The following KCNJ3 variants were observed in gnomAD, a reference collection of about 807,000 sequenced individuals.
KCNJ3 encodes G protein-activated inward rectifier potassium channel 1.
Under a neutral mutation model 39.2 loss-of-function variants are expected in KCNJ3, and 4 were observed. The ratio of observed to expected loss-of-function variants is 0.10; its 90% CI spans 0.05 to 0.23. The LOEUF (loss-of-function observed/expected upper bound fraction) is 0.23, where lower values mean the gene tolerates loss of function less well. KCNJ3 is among the 10% of genes least tolerant of loss of function. The pLI is 1.00. For synonymous variants in KCNJ3, 230 were observed against 237.4 expected, an observed-to-expected ratio of 0.97 and a Z score of 0.29; for missense variants, 276 against 634.9, an observed-to-expected ratio of 0.43 and a Z score of 6.08.
At chr2:154,747,254 G>A (rs1240837780) in intron 2 of KCNJ3, among the ~76,000 whole-genome samples, 2 of 151,738 alleles carry the variant, frequency 1.3e-5, no homozygotes, top group African/African-American at 4.8e-5. Flanking sequence ...CCTTTTACTC[G>A]TATGTCAGTA....
chr2:154,766,529 T>G (rs1402035031), intron 2 of KCNJ3, among the ~76,000 whole-genome samples: 1 of 151,716 alleles, frequency 6.6e-6, no homozygotes, highest in Admixed American at 6.6e-5. Flanking sequence ...CATAATTATT[T>G]ATATATTATT....
chr2:154,837,025 C>A (rs888076455), intron 2 of KCNJ3, among the ~76,000 whole-genome samples: 1 of 152,016 alleles, frequency 6.6e-6, no homozygotes, highest in African/African-American at 2.4e-5. Flanking sequence ...CATAGTTACA[C>A]GAGGGATAGA....
At chr2:154,800,796 T>C (rs1286952718) in intron 2 of KCNJ3, among the ~76,000 whole-genome samples, 2 of 152,224 alleles carry the variant, frequency 1.3e-5, no homozygotes, top group Non-Finnish European at 1.5e-5. Flanking sequence ...TGCTGTGCTG[T>C]TCTATAGTAC....
Position 154,699,979 on chromosome 2 carries a change from T to C in KCNJ3, c.702+502T>C, listed in dbSNP as rs556018018. Among the ~76,000 whole-genome samples the C allele has an allele frequency of 1.2e-3, 178 of 152,256 alleles. No homozygotes were observed. Among genetic ancestry groups the C allele is most frequent in the African/African-American group, 4.1e-3 (171 of 41,534 alleles). On this transcript the variant is annotated intron_variant, in intron 1 of 2. Transcript: ENST00000295101. The surrounding 1 kb of genome is among the most constrained non-coding windows in gnomAD (Gnocchi z 6.4). Reference sequence around the variant, plus strand: ...TTCCTTTTTTTCCCCCTAATAATATTAGGAGGCGGATTACTCCTCTGGACC... The same window carrying C: ...TTCCTTTTTTTCCCCCTAATAATATCAGGAGGCGGATTACTCCTCTGGACC...
intron 2 of KCNJ3, among the ~76,000 whole-genome samples, chr2:154,777,999 C>T (rs908570536): frequency 3.9e-5 from 6 of 152,064 alleles, no homozygotes; most frequent in African/African-American, 1.4e-4. Flanking sequence ...TGGATATTCC[C>T]TAGCTAGCTT....
intron 2 of KCNJ3, among the ~76,000 whole-genome samples, chr2:154,774,125 G>A (rs1424819110): frequency 6.6e-6 from 1 of 152,076 alleles, no homozygotes; most frequent in Non-Finnish European, 1.5e-5. Flanking sequence ...TCACTTCCAT[G>A]TAGACTGACT....
chr2:154,836,102 C>G (rs1184982360), intron 2 of KCNJ3, among the ~76,000 whole-genome samples: 1 of 151,058 alleles, frequency 6.6e-6, no homozygotes, highest in Non-Finnish European at 1.5e-5. Context: ...CCCAGCTACT[C>G]GGGAGGCTGA....
At chr2:154,827,945 G>T (rs1342220516) in intron 2 of KCNJ3, among the ~76,000 whole-genome samples, 1 of 152,012 alleles carries the variant, frequency 6.6e-6, no homozygotes. Flanking sequence ...AAATAACTTA[G>T]ATTTTAGAAA....
chr2:154,804,697 C>T (rs1482164856), intron 2 of KCNJ3, among the ~76,000 whole-genome samples: 1 of 151,990 alleles, frequency 6.6e-6, no homozygotes, highest in Non-Finnish European at 1.5e-5. Flanking sequence ...ACAGATACTC[C>T]AAGACAGAGA....
At chr2:154,708,616 C>T (rs994659271) in intron 1 of KCNJ3, among the ~76,000 whole-genome samples, 17 of 152,042 alleles carry the variant, frequency 1.1e-4, no homozygotes, top group African/African-American at 3.9e-4. Context: ...CCCATAATTA[C>T]ATAAATTAAA....
At chr2:154,764,782 G>A (rs1020614868) in intron 2 of KCNJ3, among the ~76,000 whole-genome samples, 8 of 142,360 alleles carry the variant, frequency 5.6e-5, no homozygotes, top group African/African-American at 1.5e-4. Flanking sequence ...ATTCAAAGCC[G>A]TCATGGGCTG....
intron 2 of KCNJ3, among the ~76,000 whole-genome samples, chr2:154,839,288 A>G (rs1261071572): frequency 6.6e-6 from 1 of 151,806 alleles, no homozygotes; most frequent in Non-Finnish European, 1.5e-5. Flanking sequence ...ATCCTTTTTT[A>G]TGACTGTATA....
Position 154,700,430 on chromosome 2 carries a change from T to G in KCNJ3, c.702+953T>G, listed in dbSNP as rs548573012. On this transcript the variant is annotated intron_variant, in intron 1 of 2. Coordinates refer to ENST00000295101, the MANE Select transcript of KCNJ3 (RefSeq NM_002239.4). ...GGAAGGCTTAAAGCCCAGTTGTTTG[T>G]CTCTGTGTGTGATTTACAATTCATT... Among the ~76,000 whole-genome samples the G allele has an allele frequency of 1.6e-4, 25 of 152,346 alleles. No individual in the cohort carries two copies. In the South Asian group the frequency reaches 2.9e-3, roughly 18 times the overall value.
At chr2:154,716,926 A>G (rs1044826961) in intron 2 of KCNJ3, among the ~76,000 whole-genome samples, 1 of 152,226 alleles carries the variant, frequency 6.6e-6, no homozygotes, top group Non-Finnish European at 1.5e-5. Flanking sequence ...TCAAGATAGT[A>G]TAAGATTGAT....
chr2:154,767,839 C>T (rs1280777804), intron 2 of KCNJ3, among the ~76,000 whole-genome samples: 1 of 152,222 alleles, frequency 6.6e-6, no homozygotes, highest in African/African-American at 2.4e-5. Context: ...CACATCCTCT[C>T]TAACACCTGT....
intron 2 of KCNJ3, among the ~76,000 whole-genome samples, chr2:154,829,492 G>T (rs1687326418): frequency 6.6e-6 from 1 of 152,120 alleles, no homozygotes; most frequent in Admixed American, 6.6e-5. Flanking sequence ...AGTATTCCAT[G>T]ATGTATATGT....
At chr2:154,779,432 A>T (rs1255979977) in intron 2 of KCNJ3, among the ~76,000 whole-genome samples, 4 of 145,606 alleles carry the variant, frequency 2.7e-5, no homozygotes, top group African/African-American at 1.0e-4. Context: ...CTTGATATAC[A>T]TATATATATG....
intron 2 of KCNJ3, among the ~76,000 whole-genome samples, chr2:154,780,231 G>A (rs935041142): frequency 6.6e-6 from 1 of 152,132 alleles, no homozygotes; most frequent in African/African-American, 2.4e-5. Flanking sequence ...GTTATAATAA[G>A]TGTTTCAACA....
chr2:154,743,841 C>A (rs891009357), intron 2 of KCNJ3, among the ~76,000 whole-genome samples: 1 of 150,594 alleles, frequency 6.6e-6, no homozygotes, highest in Non-Finnish European at 1.5e-5. Flanking sequence ...TTTTTTCTTC[C>A]CATAATGTGG....
Sources: gnomAD v4.1 joint callset for allele counts (sites outside exome capture counted in the v4.1 genomes callset) on GRCh38, gnomAD v4.1.1 for gene constraint, Gnocchi (gnomAD v3.1) non-coding constraint, MANE v1.5 for transcripts, NCBI Gene and HGNC (gene_info 2026-07-23, HGNC 2026-07-21) for gene names.